The following RB1 variants were observed in gnomAD, a reference collection of about 807,000 sequenced individuals.
The protein encoded by RB1 is RB transcriptional corepressor 1, also known as retinoblastoma-associated protein.
In RB1, 18 loss-of-function variants were observed where a neutral mutation model predicts 135.4. The ratio of observed to expected loss-of-function variants is 0.13; its 90% CI spans 0.09 to 0.20. RB1 has a LOEUF of 0.20. RB1 is among the 10% of genes least tolerant of loss of function. RB1 has a pLI of 1.00. For missense variants in RB1, 868 were observed against 1,110.0 expected, an observed-to-expected ratio of 0.78 and a Z score of 3.10; for synonymous variants, 365 against 373.2, an observed-to-expected ratio of 0.98 and a Z score of 0.25.
chr13:48,343,292 G>A (rs1952463372), intron 3 of RB1, among the ~76,000 whole-genome samples: 1 of 151,960 alleles, frequency 6.6e-6, no homozygotes, highest in African/African-American at 2.4e-5. Context: ...AAAGTATCCA[G>A]GACTTCCAGT....
rs149966046 is a variant in RB1, at chr13:48,415,383, A to G, written c.1695+33940A>G. Among the ~76,000 whole-genome samples, 846 of 151,256 alleles carry G rather than the reference A, an allele frequency of 5.6e-3. 5 individuals carry two copies. The highest frequency in any genetic ancestry group is 0.01 in the Middle Eastern group (3 of 292). ...CAACCTCTGCCTCCCAGGTTCCAGCAATTTTCCCACCTCAGCCTCCCGAGT... is the reference window on the plus strand; with the variant it reads ...CAACCTCTGCCTCCCAGGTTCCAGCGATTTTCCCACCTCAGCCTCCCGAGT... On this transcript the variant is annotated intron_variant, in intron 17 of 26. Transcript: ENST00000267163.
At chr13:48,394,425 G>T (rs558163706) in intron 17 of RB1, among the ~76,000 whole-genome samples, 69 of 152,250 alleles carry the variant, frequency 4.5e-4, no homozygotes, top group African/African-American at 1.7e-3. Flanking sequence ...CCCGGAAAGG[G>T]GGCTGAAGCC....
At chr13:48,442,797 G>C (rs932253448) in intron 17 of RB1, among the ~76,000 whole-genome samples, 11 of 152,112 alleles carry the variant, frequency 7.2e-5, no homozygotes, top group African/African-American at 2.7e-4. Context: ...GAGTTAGGAA[G>C]TCCTTTCTTT....
chr13:48,412,433 A>AC lies in RB1; in HGVS notation c.1695+30991dup, dbSNP rs769956337. The AC allele has an allele frequency of 1.9e-6, 3 of 1,607,678 alleles. No homozygotes were observed. In the Admixed American group the frequency reaches 5.0e-5, roughly 27 times the overall value. ...TGTTAACGCTTACCATCGTAAAGGC[A>AC]CGTCCAATTTTCAGTTTGGAAGCAC... On this transcript the variant is annotated intron_variant, in intron 17 of 26. Transcript: ENST00000267163.
At position 48,453,120 on chromosome 13, in the gene RB1, AAT is replaced by A. The variant is rs745610697; in HGVS notation, c.1814+14_1814+15del. The A allele has an allele frequency of 6.2e-7, 1 of 1,608,202 alleles. No individual in the cohort carries two copies. On this transcript the variant is annotated intron_variant, in intron 18 of 26. Transcript: ENST00000267163. Reference sequence around the variant, plus strand: ...CACACTGCAGCAGATATGTAAGCAAAATATATGTTATGTTGACCATTCAAACT... The same window carrying A: ...CACACTGCAGCAGATATGTAAGCAAAATATGTTATGTTGACCATTCAAACT...
intron 2 of RB1, chr13:48,328,326 TC>T: frequency 6.3e-7 from 1 of 1,587,082 alleles, no homozygotes; most frequent in Non-Finnish European, 8.7e-7. Context: ...TGGAACAGTT[TC>T]TTTAGGCTTA....
chr13:48,457,893 G>T (rs1296442586), intron 19 of RB1, among the ~76,000 whole-genome samples: 1 of 152,250 alleles, frequency 6.6e-6, no homozygotes, highest in Admixed American at 6.5e-5. Flanking sequence ...CTGCGAGGGC[G>T]GTGGCAGTTG....
At chr13:48,328,266 T>G in intron 2 of RB1, 1 of 1,562,766 alleles carries the variant, frequency 6.4e-7, no homozygotes, top group East Asian at 2.2e-5. Context: ...TTCACTATCT[T>G]CATCTTCATT....
intron 17 of RB1, among the ~76,000 whole-genome samples, chr13:48,386,788 AT>A (rs1329236056): frequency 6.6e-6 from 1 of 152,192 alleles, no homozygotes; most frequent in Non-Finnish European, 1.5e-5. Flanking sequence ...AATGTGAGAG[AT>A]TTGTAAACAT....
intron 6 of RB1, among the ~76,000 whole-genome samples, chr13:48,352,782 G>A (rs569156287): frequency 1.4e-4 from 21 of 152,154 alleles, no homozygotes; most frequent in African/African-American, 4.6e-4. Context: ...TCTAGATATA[G>A]CATCATGTCA....
At chr13:48,316,549 A>G (rs1367559071) in intron 2 of RB1, among the ~76,000 whole-genome samples, 3 of 152,168 alleles carry the variant, frequency 2.0e-5, no homozygotes, top group South Asian at 2.1e-4. Flanking sequence ...GAACAACAGT[A>G]TTTTCTAAAA....
At chr13:48,320,337 C>T in intron 2 of RB1, 3 of 1,254,508 alleles carry the variant, frequency 2.4e-6, no homozygotes, top group African/African-American at 1.5e-5. Flanking sequence ...GCATCTGCAC[C>T]CGGGCGCTCA....
intron 2 of RB1, among the ~76,000 whole-genome samples, chr13:48,328,975 A>G (rs1215776256): frequency 6.6e-6 from 1 of 152,066 alleles, no homozygotes; most frequent in Non-Finnish European, 1.5e-5. Context: ...CCTTATTTAT[A>G]TACATTATAA....
At chr13:48,377,409 T>C (rs995952740) in intron 13 of RB1, among the ~76,000 whole-genome samples, 4 of 152,098 alleles carry the variant, frequency 2.6e-5, no homozygotes, top group African/African-American at 7.2e-5. Flanking sequence ...AGTGATATTA[T>C]TGAGTGATAT....
At chr13:48,360,226 TAAA>T in intron 7 of RB1, 99 bp downstream of exon 7, 1 of 1,560,176 alleles carries the variant, frequency 6.4e-7, no homozygotes, top group Non-Finnish European at 8.7e-7. Flanking sequence ...GACAGGATGA[TAAA>T]AAATAAATCA....
intron 17 of RB1, among the ~76,000 whole-genome samples, chr13:48,391,079 TTC>T (rs1948607155): frequency 6.6e-6 from 1 of 152,162 alleles, no homozygotes; most frequent in Non-Finnish European, 1.5e-5. Context: ...ATTTTTAAAA[TTC>T]TGTTTTATCT....
intron 20 of RB1, among the ~76,000 whole-genome samples, chr13:48,461,217 T>A (rs1833617136): frequency 6.6e-6 from 1 of 152,128 alleles, no homozygotes; most frequent in Non-Finnish European, 1.5e-5. Context: ...TTTCTCTCTA[T>A]GGATTTGCCT....
intron 2 of RB1, among the ~76,000 whole-genome samples, chr13:48,331,856 T>C (rs766631587): frequency 6.6e-6 from 1 of 152,202 alleles, no homozygotes; most frequent in Non-Finnish European, 1.5e-5. Context: ...GTGTCTGTCA[T>C]TAGATGTATA....
chr13:48,345,654 A>G (rs1952486243), intron 4 of RB1, among the ~76,000 whole-genome samples: 1 of 152,222 alleles, frequency 6.6e-6, no homozygotes, highest in Admixed American at 6.5e-5. Context: ...CAGTTCGAGT[A>G]GGAGCATAAT....
Sources: gnomAD v4.1 joint callset for allele counts (sites outside exome capture counted in the v4.1 genomes callset) on GRCh38, gnomAD v4.1.1 for gene constraint, MANE v1.5 for transcripts, NCBI Gene and HGNC (gene_info 2026-07-23, HGNC 2026-07-21) for gene names.